CSTPP1: variants seen among roughly 807,000 people sequenced by gnomAD.
The protein encoded by CSTPP1 is centriolar satellite-associated tubulin polyglutamylase complex regulator 1.
At chr11:46,998,475 T>G in the CSTPP1 span, among the ~76,000 whole-genome samples, 1 of 152,240 alleles carries the variant, frequency 6.6e-6, no homozygotes, top group African/African-American at 2.4e-5. Context: ...GACACATACC[T>G]GACACTTCCA....
At chr11:47,036,153 AT>A in the CSTPP1 span, among the ~76,000 whole-genome samples, 2 of 48,642 alleles carry the variant, frequency 4.1e-5, 1 homozygote, top group Non-Finnish European at 8.1e-5. Flanking sequence ...ATAATATATT[AT>A]ATATAATGCA....
the CSTPP1 span, among the ~76,000 whole-genome samples, chr11:47,048,501 GGAAA>G: frequency 1.3e-5 from 2 of 148,488 alleles, no homozygotes; most frequent in Non-Finnish European, 3.0e-5. Context: ...AAGGAAGGAG[GGAAA>G]GAAAGAAAGA....
the CSTPP1 span, among the ~76,000 whole-genome samples, chr11:47,096,938 C>T: frequency 6.6e-6 from 1 of 152,214 alleles, no homozygotes; most frequent in Non-Finnish European, 1.5e-5. Context: ...GTTTCAGATC[C>T]TCTGTCCACA....
the CSTPP1 span, chr11:47,157,903 T>C: frequency 3.7e-6 from 6 of 1,613,888 alleles, no homozygotes; most frequent in Middle Eastern, 3.3e-4. Context: ...CAAAGCACCG[T>C]GGAATCAACC....
At chr11:46,986,931 C>T in the CSTPP1 span, among the ~76,000 whole-genome samples, 1 of 152,224 alleles carries the variant, frequency 6.6e-6, no homozygotes, top group African/African-American at 2.4e-5. Context: ...TCAACCCACC[C>T]TTGTGATTGA....
At chr11:47,083,186 C>T in the CSTPP1 span, among the ~76,000 whole-genome samples, 1 of 152,188 alleles carries the variant, frequency 6.6e-6, no homozygotes, top group Non-Finnish European at 1.5e-5. Context: ...CTTCCAGCTC[C>T]ATCCTTGTCC....
chr11:47,086,463 T>C, the CSTPP1 span, among the ~76,000 whole-genome samples: 1 of 151,160 alleles, frequency 6.6e-6, no homozygotes, highest in Non-Finnish European at 1.5e-5. Context: ...ACCATAAGCT[T>C]ACCAGAATTT....
At chr11:47,143,927 C>T in the CSTPP1 span, among the ~76,000 whole-genome samples, 1 of 152,174 alleles carries the variant, frequency 6.6e-6, no homozygotes, top group African/African-American at 2.4e-5. Context: ...GTAAACTTGT[C>T]ATAATCGTTA....
chr11:47,070,501 G>A, the CSTPP1 span, among the ~76,000 whole-genome samples: 1 of 152,030 alleles, frequency 6.6e-6, no homozygotes, highest in African/African-American at 2.4e-5. Context: ...AAGGGGCCTG[G>A]GAATTAATTT....
the CSTPP1 span, among the ~76,000 whole-genome samples, chr11:46,983,642 A>G: frequency 6.6e-6 from 1 of 152,156 alleles, no homozygotes; most frequent in Non-Finnish European, 1.5e-5. Flanking sequence ...ATTCCTTTGC[A>G]TTAAAAAAAA....
chr11:47,135,224 T>C, the CSTPP1 span, among the ~76,000 whole-genome samples: 12 of 152,148 alleles, frequency 7.9e-5, no homozygotes, highest in Non-Finnish European at 1.5e-4. Flanking sequence ...CAAACTCCCA[T>C]TGTTTGATGT....
chr11:46,952,140 T>A, the CSTPP1 span, among the ~76,000 whole-genome samples: 5 of 152,226 alleles, frequency 3.3e-5, no homozygotes, highest in African/African-American at 7.2e-5. Flanking sequence ...TTTCTTTCTT[T>A]CTTACTTAAT....
the CSTPP1 span, among the ~76,000 whole-genome samples, chr11:47,112,654 GTCT>G: frequency 6.6e-6 from 1 of 152,030 alleles, no homozygotes; most frequent in Non-Finnish European, 1.5e-5. Context: ...TTCATTATCT[GTCT>G]TCCCCACTGC....
At chr11:46,991,819 C>T in the CSTPP1 span, among the ~76,000 whole-genome samples, 1 of 152,150 alleles carries the variant, frequency 6.6e-6, no homozygotes, top group East Asian at 1.9e-4. Context: ...TGGCTCACTG[C>T]AACCTCCGTC....
At chr11:47,105,173 T>C in the CSTPP1 span, among the ~76,000 whole-genome samples, 14 of 152,200 alleles carry the variant, frequency 9.2e-5, no homozygotes, top group East Asian at 1.7e-3. Flanking sequence ...ACCAGTTAAG[T>C]CCCTGTGCCT....
the CSTPP1 span, among the ~76,000 whole-genome samples, chr11:47,144,822 T>C: frequency 6.6e-6 from 1 of 152,092 alleles, no homozygotes; most frequent in African/African-American, 2.4e-5. Context: ...CAGAGTCACC[T>C]GCAGGGCTTG....
At chr11:47,137,871 C>A in the CSTPP1 span, 2 of 743,888 alleles carry the variant, frequency 2.7e-6, no homozygotes, top group Non-Finnish European at 4.4e-6. Flanking sequence ...TGGGATGTGC[C>A]CCAAAACATA....
the CSTPP1 span, among the ~76,000 whole-genome samples, chr11:46,980,606 C>G: frequency 0.086 from 12,970 of 151,640 alleles, 1,848 homozygotes; most frequent in African/African-American, 0.3. Flanking sequence ...GAATAGGACA[C>G]AAAGCACACC....
chr11:47,156,326 T>C, the CSTPP1 span, among the ~76,000 whole-genome samples: 1 of 152,180 alleles, frequency 6.6e-6, no homozygotes, highest in African/African-American at 2.4e-5. Flanking sequence ...CCCAGAGGGA[T>C]GGGACAGCCA....
Sources: allele counts gnomAD v4.1 joint callset (sites outside exome capture counted in the v4.1 genomes callset), GRCh38; gene constraint gnomAD v4.1.1; transcripts MANE v1.5; gene names NCBI Gene and HGNC (gene_info 2026-07-23, HGNC 2026-07-21).